Variants in PAQR3 observed in about 807,000 individuals in gnomAD.
PAQR3 encodes progestin and adipoQ receptor family member 3, also known as Raf kinase trapping to Golgi.
In PAQR3, 39 loss-of-function variants were observed where a neutral mutation model predicts 41.7. The ratio of observed to expected loss-of-function variants is 0.93; its 90% confidence interval spans 0.72 to 1.22. The LOEUF is 1.22. Among genes scored for constraint, PAQR3 ranks in the 50% most tolerant of loss-of-function variants. The pLI is 0.00. For missense variants in PAQR3, 366 were observed against 385.6 expected, an observed-to-expected ratio of 0.95 and a Z score of 0.42; for synonymous variants, 140 against 140.6, an observed-to-expected ratio of 1.00 and a Z score of 0.03.
At chr4:78,910,078 G>A (rs1734502133), downstream of PAQR3, among the ~76,000 whole-genome samples, 2 of 152,120 alleles carry the variant, frequency 1.3e-5, no homozygotes, top group Admixed American at 6.5e-5. Flanking sequence ...GCTTTGGTGA[G>A]GCCATTCATG....
intron 2 of PAQR3, among the ~76,000 whole-genome samples, chr4:78,931,214 T>TAAAAAAAA (rs1736860220): frequency 5.2e-5 from 6 of 114,770 alleles, no homozygotes; most frequent in African/African-American, 1.8e-4. Flanking sequence ...AAAAAAAAAT[T>TAAAAAAAA]GGGCATGGCG....
intron 5 of PAQR3, chr4:78,922,952 C>A (rs1735813014): frequency 2.2e-6 from 1 of 455,974 alleles, no homozygotes; most frequent in South Asian, 1.6e-5. Flanking sequence ...CACCCAGTGT[C>A]CTCTTAGTTA....
At chr4:78,938,657 C>T (rs1449913351) in intron 1 of PAQR3, among the ~76,000 whole-genome samples, 5 of 151,938 alleles carry the variant, frequency 3.3e-5, no homozygotes, top group African/African-American at 4.8e-5. Context: ...ACTTATCTGG[C>T]CCAAAGCTAC....
chr4:78,904,398 TACC>T (rs1257291193), intron 11 of PAQR3, among the ~76,000 whole-genome samples: 2 of 151,966 alleles, frequency 1.3e-5, no homozygotes, highest in Non-Finnish European at 2.9e-5. Context: ...CTGATTCAAG[TACC>T]ATTTGTGTCC....
chr4:78,927,714 G>A (rs1327615235), intron 3 of PAQR3, among the ~76,000 whole-genome samples: 7 of 152,318 alleles, frequency 4.6e-5, no homozygotes, highest in Admixed American at 2.0e-4. Context: ...CACACACTTC[G>A]CTTAGGTTTG....
chr4:78,936,623 G>C (rs1340752254), intron 1 of PAQR3, among the ~76,000 whole-genome samples: 1 of 152,188 alleles, frequency 6.6e-6, no homozygotes, highest in African/African-American at 2.4e-5. Flanking sequence ...TGAATTTCAG[G>C]CTTTATCATG....
chr4:78,910,934 A>G (rs568551447), downstream of PAQR3: 10 of 1,613,862 alleles, frequency 6.2e-6, no homozygotes, highest in African/African-American at 2.7e-5. Context: ...GATGAGGAAG[A>G]AGAGGAGAAA....
intron 11 of PAQR3, among the ~76,000 whole-genome samples, chr4:78,897,203 T>A (rs984954811): frequency 2.0e-5 from 3 of 152,028 alleles, no homozygotes; most frequent in Non-Finnish European, 4.4e-5. Flanking sequence ...TTGATTTTTT[T>A]AAGCCTTATT....
intron 11 of PAQR3, among the ~76,000 whole-genome samples, chr4:78,896,805 T>TA (rs1733728448): frequency 6.6e-6 from 1 of 152,218 alleles, no homozygotes; most frequent in Non-Finnish European, 1.5e-5. Context: ...TTTTAAATAA[T>TA]TCTTTATTGA....
chr4:78,923,917 T>TATAC lies in PAQR3; in HGVS notation c.729_732dup (p.Met245ValfsTer58). 1 of 1,613,336 alleles carries TATAC rather than the reference T, an allele frequency of 6.2e-7. No homozygotes were observed. The highest frequency in any genetic ancestry group is 8.5e-7 in the Non-Finnish European group (1 of 1,179,430). On this transcript the variant is annotated frameshift_variant, in exon 5 of 6. Coordinates refer to ENST00000512733, the MANE Select transcript of PAQR3 (RefSeq NM_001040202.2). LOFTEE classifies it high-confidence loss of function. Reference sequence around the variant, plus strand: ...AATAGGAAAGCAAGAAGAGCAATCATATACATCACAATTACACGGGGTGCA... The same window carrying TATAC: ...AATAGGAAAGCAAGAAGAGCAATCATATACATACATCACAATTACACGGGGTGCA...
chr4:78,929,964 T>C (rs1483926746), intron 3 of PAQR3, among the ~76,000 whole-genome samples: 4 of 152,176 alleles, frequency 2.6e-5, no homozygotes, highest in East Asian at 1.9e-4. Flanking sequence ...TATTTTCCAA[T>C]AGAAAATTAG....
At chr4:78,887,189 G>A in exon 13 of PAQR3, 4 of 1,606,872 alleles carry the variant, frequency 2.5e-6, no homozygotes, top group Non-Finnish European at 3.4e-6. Context: ...CTCGAGGAGA[G>A]AGCATCCTCA....
At chr4:78,897,736 C>T (rs892981230) in intron 11 of PAQR3, among the ~76,000 whole-genome samples, 1 of 152,064 alleles carries the variant, frequency 6.6e-6, no homozygotes, top group African/African-American at 2.4e-5. Context: ...TTTCTTCTAC[C>T]TTCTAATTTC....
chr4:78,922,692 A>G (rs1578012431), intron 5 of PAQR3: 1 of 359,536 alleles, frequency 2.8e-6, no homozygotes, highest in Admixed American at 3.7e-5. Context: ...TGATATGTGC[A>G]TTTTCTCATC....
At chr4:78,892,065 T>G (rs1249428323) in intron 11 of PAQR3, among the ~76,000 whole-genome samples, 1 of 152,228 alleles carries the variant, frequency 6.6e-6, no homozygotes, top group Non-Finnish European at 1.5e-5. Flanking sequence ...TTTCTTTCCT[T>G]GTAATCTGTC....
At chr4:78,923,823 A>G (rs1380627547) in intron 5 of PAQR3, 34 bp downstream of exon 5, 5 of 1,422,458 alleles carry the variant, frequency 3.5e-6, no homozygotes, top group Non-Finnish European at 5.0e-6. Flanking sequence ...TATTTAGACT[A>G]ACAATACAAA....
chr4:78,923,386 G>GGGA, intron 5 of PAQR3: 1 of 198,512 alleles, frequency 5.0e-6, no homozygotes, highest in Non-Finnish European at 1.0e-5. Flanking sequence ...CAACGTGCAG[G>GGGA]TTTGTTACAT....
chr4:78,938,808 G>C (rs1737713703), intron 1 of PAQR3, among the ~76,000 whole-genome samples: 1 of 151,940 alleles, frequency 6.6e-6, no homozygotes, highest in Non-Finnish European at 1.5e-5. Context: ...AAGCGTCATA[G>C]GAGAGCTGTA....
intron 11 of PAQR3, among the ~76,000 whole-genome samples, chr4:78,901,104 G>A (rs1187020831): frequency 2.0e-5 from 3 of 152,092 alleles, no homozygotes; most frequent in South Asian, 2.1e-4. Context: ...GTGCAGTGGC[G>A]TGATCATAGG....
Sources: allele counts gnomAD v4.1 joint callset (sites outside exome capture counted in the v4.1 genomes callset), GRCh38; gene constraint gnomAD v4.1.1; transcripts MANE v1.5; gene names NCBI Gene and HGNC (gene_info 2026-07-23, HGNC 2026-07-21).